The following CAMTA1 variants were observed in gnomAD, a reference collection of about 807,000 sequenced individuals.
CAMTA1 encodes calmodulin binding transcription activator 1, also known as calmodulin-binding transcription activator 1.
In CAMTA1, 27 loss-of-function variants were observed where a neutral mutation model predicts 170.9. The ratio of observed to expected loss-of-function variants is 0.16; its 90% CI spans 0.12 to 0.22. The LOEUF is 0.22. Among genes scored for constraint, CAMTA1 ranks in the 10% least tolerant of loss-of-function variants. The pLI is 1.00. For missense variants in CAMTA1, 1,619 were observed against 2,217.2 expected, an observed-to-expected ratio of 0.73 and a Z score of 5.42; for synonymous variants, 833 against 891.5, an observed-to-expected ratio of 0.93 and a Z score of 1.17.
intron 5 of CAMTA1, among the ~76,000 whole-genome samples, chr1:7,459,991 C>CA (rs1337908689): frequency 3.9e-5 from 6 of 152,358 alleles, no homozygotes; most frequent in Admixed American, 2.0e-4. Context: ...CTTCAATACA[C>CA]AGAGTCTGGA....
rs879635465 is a variant in CAMTA1, at chr1:6,956,513, A to G, written c.234+131303A>G. ...ATAGTTGTGAGATGAAAACATGACTAAATTATGACACTGCTTGTGTAACAA... is the reference window on the plus strand; with the variant it reads ...ATAGTTGTGAGATGAAAACATGACTGAATTATGACACTGCTTGTGTAACAA... On this transcript the variant is annotated intron_variant, in intron 3 of 22. Coordinates refer to ENST00000303635, the MANE Select transcript of CAMTA1 (RefSeq NM_015215.4). Among the ~76,000 whole-genome samples the G allele has an allele frequency of 8.9e-5, 13 of 146,226 alleles. No individual in the cohort carries two copies. In the Admixed American group the frequency reaches 9.0e-4, roughly 10 times the overall value.
chr1:7,637,344 G>C (rs1158776411), intron 6 of CAMTA1, among the ~76,000 whole-genome samples: 2 of 152,218 alleles, frequency 1.3e-5, no homozygotes, highest in African/African-American at 4.8e-5. Flanking sequence ...GGCAGCCCTG[G>C]GCGGCCTGCT....
At chr1:6,806,396 A>C (rs1203898940) in intron 1 of CAMTA1, among the ~76,000 whole-genome samples, 6 of 152,210 alleles carry the variant, frequency 3.9e-5, no homozygotes, top group Admixed American at 3.9e-4. Flanking sequence ...TTTCCACAGA[A>C]GAGACAACTG....
At chr1:7,026,276 C>T (rs773766598) in intron 3 of CAMTA1, among the ~76,000 whole-genome samples, 19 of 152,136 alleles carry the variant, frequency 1.2e-4, no homozygotes, top group Admixed American at 3.3e-4. Context: ...GTGAGGCCTG[C>T]GGAGCCTGGG....
At chr1:7,568,773 C>T (rs2095082197) in intron 6 of CAMTA1, among the ~76,000 whole-genome samples, 1 of 151,378 alleles carries the variant, frequency 6.6e-6, no homozygotes, top group South Asian at 2.1e-4. Flanking sequence ...TCATCACCAT[C>T]ACATCACCAT....
At chr1:7,337,476 G>A (rs1355002885) in intron 5 of CAMTA1, among the ~76,000 whole-genome samples, 1 of 150,360 alleles carries the variant, frequency 6.7e-6, no homozygotes, top group Non-Finnish European at 1.5e-5. Context: ...TCCGTAATGT[G>A]CATGGTGGGC....
In CAMTA1 at chr1:7,058,449, G is replaced by A. The variant is rs993793657; in HGVS notation, c.235-32855G>A. ...GCTTCTGGGCTGGTAGAAACCAGAC[G>A]CAACTCATTGCTCTGAGTTGGTGCG... On this transcript the variant is annotated intron_variant, in intron 3 of 22. Coordinates refer to ENST00000303635, the MANE Select transcript of CAMTA1 (RefSeq NM_015215.4). 2.6e-5 allele frequency among the ~76,000 whole-genome samples: 4 copies of A among 152,190 alleles called. No individual in the cohort carries two copies. In the East Asian group the frequency reaches 5.8e-4, roughly 22 times the overall value.
chr1:7,563,420 C>T (rs868431375), intron 6 of CAMTA1, among the ~76,000 whole-genome samples: 3 of 152,180 alleles, frequency 2.0e-5, no homozygotes, highest in Non-Finnish European at 2.9e-5. Flanking sequence ...GGGAGGTCAG[C>T]GAGGCTCGGT....
At chr1:7,409,407 C>T (rs2090542423) in intron 5 of CAMTA1, among the ~76,000 whole-genome samples, 1 of 152,240 alleles carries the variant, frequency 6.6e-6, no homozygotes, top group Non-Finnish European at 1.5e-5. Context: ...CTCTGGCCAC[C>T]AGCCACTAAG....
intron 4 of CAMTA1, among the ~76,000 whole-genome samples, chr1:7,176,350 G>C (rs923424429): frequency 3.9e-5 from 6 of 152,212 alleles, no homozygotes; most frequent in East Asian, 1.9e-4. Context: ...GTAACCAGAA[G>C]CCCTGGGTGA....
chr1:7,757,653 T>C (rs2096940619), intron 22 of CAMTA1, among the ~76,000 whole-genome samples: 1 of 152,054 alleles, frequency 6.6e-6, no homozygotes, highest in Non-Finnish European at 1.5e-5. Context: ...GGAGAATCTG[T>C]TGAACCCGGG....
At chr1:7,651,994 C>T (rs1462752384) in intron 7 of CAMTA1, among the ~76,000 whole-genome samples, 5 of 152,200 alleles carry the variant, frequency 3.3e-5, no homozygotes, top group Admixed American at 3.3e-4. Flanking sequence ...GAATGAAAGA[C>T]AGCCAAGACG....
chr1:7,380,960 G>A (rs1432299122), intron 5 of CAMTA1, among the ~76,000 whole-genome samples: 1 of 152,124 alleles, frequency 6.6e-6, no homozygotes, highest in African/African-American at 2.4e-5. Flanking sequence ...TCTGTGCCAA[G>A]GGTTTTATCA....
chr1:7,371,893 A>C (rs2086501268), intron 5 of CAMTA1, among the ~76,000 whole-genome samples: 1 of 152,216 alleles, frequency 6.6e-6, no homozygotes, highest in African/African-American at 2.4e-5. Flanking sequence ...CCCTCTGGGC[A>C]TCTGATGACA....
intron 3 of CAMTA1, among the ~76,000 whole-genome samples, chr1:6,983,947 G>A (rs1694869368): frequency 1.3e-5 from 2 of 149,992 alleles, no homozygotes; most frequent in African/African-American, 2.5e-5. Context: ...TGGGTGGATC[G>A]AGGGTTGGGG....
chr1:7,720,968 A>C (rs912685005), intron 11 of CAMTA1, among the ~76,000 whole-genome samples: 2 of 152,180 alleles, frequency 1.3e-5, no homozygotes, highest in African/African-American at 4.8e-5. Flanking sequence ...CCTGGACTGC[A>C]CCTGGGGAGC....
At chr1:7,028,228 C>T (rs1702271423) in intron 3 of CAMTA1, among the ~76,000 whole-genome samples, 1 of 152,162 alleles carries the variant, frequency 6.6e-6, no homozygotes. Flanking sequence ...TTCTCCCTGA[C>T]ACTTTTCTGG....
intron 5 of CAMTA1, among the ~76,000 whole-genome samples, chr1:7,250,506 G>A (rs935315596): frequency 6.6e-6 from 1 of 152,224 alleles, no homozygotes; most frequent in Non-Finnish European, 1.5e-5. Flanking sequence ...TCAAAGAGAG[G>A]CATTCTGGAG....
chr1:7,200,910 G>A (rs541343350), intron 4 of CAMTA1, among the ~76,000 whole-genome samples: 6 of 152,252 alleles, frequency 3.9e-5, no homozygotes, highest in East Asian at 1.9e-4. Context: ...TGTAATTCAC[G>A]TGCTGTACAA....
Sources: gnomAD v4.1 joint callset for allele counts (sites outside exome capture counted in the v4.1 genomes callset) on GRCh38, gnomAD v4.1.1 for gene constraint, MANE v1.5 for transcripts, NCBI Gene and HGNC (gene_info 2026-07-23, HGNC 2026-07-21) for gene names.